The following HPSE2 variants were observed in gnomAD, a reference collection of about 807,000 sequenced individuals.
HPSE2 encodes inactive heparanase-2.
Under a neutral mutation model 60.5 loss-of-function variants are expected in HPSE2, and 38 were observed. The ratio of observed to expected loss-of-function variants is 0.63; its 90% CI spans 0.48 to 0.82. The LOEUF is 0.82. Among genes scored for constraint, HPSE2 ranks in the 40% least tolerant of loss-of-function variants. The probability of loss-of-function intolerance (pLI) is 0.00; values close to 1 mark genes in which losing one functional copy is unlikely to be tolerated. For missense variants in HPSE2, 713 were observed against 740.4 expected (o/e 0.96, Z 0.43); for synonymous variants, 295 against 293.2 (o/e 1.01, Z -0.06).
intron 3 of HPSE2, among the ~76,000 whole-genome samples, chr10:99,091,879 A>AATTATCTGT (rs2135599268): frequency 6.6e-6 from 1 of 152,302 alleles, no homozygotes; most frequent in South Asian, 2.1e-4. Context: ...ACGGATTTTT[A>AATTATCTGT]ATTATCTGTG....
the HPSE2 span, among the ~76,000 whole-genome samples, chr10:99,288,092 T>C: frequency 1.3e-5 from 2 of 152,204 alleles, no homozygotes; most frequent in Admixed American, 1.3e-4. Context: ...TTGAGAAATT[T>C]AACATGATGA....
chr10:98,790,679 T>C (rs538754633), intron 3 of HPSE2, among the ~76,000 whole-genome samples: 2 of 152,344 alleles, frequency 1.3e-5, no homozygotes, highest in African/African-American at 4.8e-5. Flanking sequence ...GTGATGGATA[T>C]GTTAGCTTTA....
At chr10:99,162,123 A>G (rs1846869345) in intron 2 of HPSE2, among the ~76,000 whole-genome samples, 1 of 152,192 alleles carries the variant, frequency 6.6e-6, no homozygotes, top group African/African-American at 2.4e-5. Flanking sequence ...TTGTAAAACA[A>G]CTATCAATGT....
At chr10:98,739,498 A>G (rs934290774) in intron 4 of HPSE2, among the ~76,000 whole-genome samples, 2 of 152,110 alleles carry the variant, frequency 1.3e-5, no homozygotes, top group Admixed American at 1.3e-4. Context: ...TAAATACATC[A>G]TACATTTATC....
At chr10:99,180,875 G>C (rs1269908412) in intron 2 of HPSE2, among the ~76,000 whole-genome samples, 4 of 120,074 alleles carry the variant, frequency 3.3e-5, no homozygotes, top group Admixed American at 2.8e-4. Flanking sequence ...GGGCAACAAG[G>C]CAAGACTCCA....
intron 6 of HPSE2, among the ~76,000 whole-genome samples, chr10:98,650,083 A>C (rs945757808): frequency 6.6e-6 from 1 of 152,224 alleles, no homozygotes; most frequent in Non-Finnish European, 1.5e-5. Context: ...GGGAATGCCA[A>C]AACGATGTGA....
intron 3 of HPSE2, among the ~76,000 whole-genome samples, chr10:99,029,029 T>C (rs1051652850): frequency 1.3e-5 from 2 of 152,134 alleles, no homozygotes; most frequent in Admixed American, 1.3e-4. Flanking sequence ...ATTAAACTAC[T>C]ACAAGAAAAG....
chr10:98,642,573 C>G (rs1946666730), intron 6 of HPSE2, among the ~76,000 whole-genome samples: 1 of 152,158 alleles, frequency 6.6e-6, no homozygotes, highest in African/African-American at 2.4e-5. Flanking sequence ...ATAGTAACAA[C>G]TTGATACTCA....
chr10:98,468,676 G>C (rs1054625541), intron 11 of HPSE2, among the ~76,000 whole-genome samples: 1 of 152,016 alleles, frequency 6.6e-6, no homozygotes, highest in African/African-American at 2.4e-5. Context: ...GTGCCTTTTT[G>C]TCCATGATAG....
chr10:99,100,006 A>G (rs1843886584), intron 3 of HPSE2, among the ~76,000 whole-genome samples: 2 of 152,208 alleles, frequency 1.3e-5, no homozygotes, highest in Admixed American at 6.5e-5. Context: ...CACCATCATC[A>G]AAGACTAAAG....
chr10:98,917,884 C>T (rs748930485), intron 3 of HPSE2, among the ~76,000 whole-genome samples: 5 of 152,158 alleles, frequency 3.3e-5, no homozygotes, highest in African/African-American at 4.8e-5. Flanking sequence ...TAATGAAGAG[C>T]CAGCATACAT....
intron 3 of HPSE2, among the ~76,000 whole-genome samples, chr10:98,807,414 T>A (rs1951067969): frequency 6.6e-6 from 1 of 152,190 alleles, no homozygotes; most frequent in Non-Finnish European, 1.5e-5. Flanking sequence ...TTAATTTTCA[T>A]CCAAATTGGT....
At chr10:99,034,587 A>G (rs1351354098) in intron 3 of HPSE2, among the ~76,000 whole-genome samples, 3 of 152,222 alleles carry the variant, frequency 2.0e-5, no homozygotes, top group Non-Finnish European at 2.9e-5. Flanking sequence ...ACACAGAGAC[A>G]TAAATACACA....
At chr10:98,895,069 CTGAAGTTTAAAAA>C (rs1316429842) in intron 3 of HPSE2, among the ~76,000 whole-genome samples, 1 of 151,844 alleles carries the variant, frequency 6.6e-6, no homozygotes, top group Non-Finnish European at 1.5e-5. Context: ...ACAAAGACAT[CTGAAGTTTAAAAA>C]AAATTTAGGA....
At chr10:98,476,580 A>G (rs1049993118) in intron 11 of HPSE2, among the ~76,000 whole-genome samples, 1 of 152,134 alleles carries the variant, frequency 6.6e-6, no homozygotes, top group Non-Finnish European at 1.5e-5. Context: ...ACCTGAGGTC[A>G]GGAGTTTGAG....
At chr10:98,791,844 A>G (rs1031540180) in intron 3 of HPSE2, among the ~76,000 whole-genome samples, 1 of 152,170 alleles carries the variant, frequency 6.6e-6, no homozygotes, top group East Asian at 1.9e-4. Flanking sequence ...GTATAATTCC[A>G]TACTCATTTT....
At chr10:99,272,232 T>TA in the HPSE2 span, among the ~76,000 whole-genome samples, 1 of 147,222 alleles carries the variant, frequency 6.8e-6, no homozygotes, top group Admixed American at 6.9e-5. Flanking sequence ...ATTGCACCAC[T>TA]GCACTCCAGC....
chr10:99,141,833 T>A (rs1488572910), intron 3 of HPSE2, among the ~76,000 whole-genome samples: 2 of 152,254 alleles, frequency 1.3e-5, no homozygotes, highest in Admixed American at 1.3e-4. Flanking sequence ...CTATCATTTT[T>A]AACATGCTTT....
intron 9 of HPSE2, among the ~76,000 whole-genome samples, chr10:98,504,812 C>T (rs1277999558): frequency 6.6e-6 from 1 of 150,792 alleles, no homozygotes; most frequent in Admixed American, 6.6e-5. Flanking sequence ...AAAAAAGCTA[C>T]CGTAATACCC....
Sources: allele counts gnomAD v4.1 joint callset (sites outside exome capture counted in the v4.1 genomes callset), GRCh38; gene constraint gnomAD v4.1.1; transcripts MANE v1.5; gene names NCBI Gene and HGNC (gene_info 2026-07-23, HGNC 2026-07-21).